Variants in FSTL5 observed in about 807,000 individuals in gnomAD.
The protein encoded by FSTL5 is follistatin-related protein 5.
In FSTL5, 62 loss-of-function variants were observed where a neutral mutation model predicts 89.1. The ratio of observed to expected loss-of-function variants is 0.70; its 90% CI spans 0.57 to 0.86. The LOEUF is 0.86. Ranked by LOEUF, FSTL5 falls within the 40% of genes least tolerant of loss-of-function variation. FSTL5 has a pLI of 0.00. For missense variants in FSTL5, 1,057 were observed against 1,001.6 expected (o/e 1.06, Z -0.75); for synonymous variants, 383 against 346.2 (o/e 1.11, Z -1.18).
chr4:162,084,343 A>G (rs538103398), intron 2 of FSTL5, among the ~76,000 whole-genome samples: 1 of 152,120 alleles, frequency 6.6e-6, no homozygotes, highest in Admixed American at 6.6e-5. Flanking sequence ...AAAAGGTTGA[A>G]AAAAATCACA....
chr4:161,978,621 C>T (rs462596), intron 3 of FSTL5, among the ~76,000 whole-genome samples: 38,103 of 151,902 alleles, frequency 0.25, 5,704 homozygotes, highest in African/African-American at 0.42. Flanking sequence ...ACATACAGTA[C>T]TATTATAACA....
At chr4:161,588,192 C>T (rs1733684462) in intron 7 of FSTL5, among the ~76,000 whole-genome samples, 1 of 151,880 alleles carries the variant, frequency 6.6e-6, no homozygotes, top group Non-Finnish European at 1.5e-5. Context: ...TAAATAATTA[C>T]AAATTAAAAA....
At chr4:161,722,507 A>G (rs1377802674) in intron 6 of FSTL5, among the ~76,000 whole-genome samples, 1 of 152,018 alleles carries the variant, frequency 6.6e-6, no homozygotes, top group Middle Eastern at 3.2e-3. Context: ...ATCTTCTTTC[A>G]GTTCACTTAT....
intron 4 of FSTL5, among the ~76,000 whole-genome samples, chr4:161,825,866 T>G (rs1051833352): frequency 5.3e-5 from 8 of 152,228 alleles, no homozygotes; most frequent in Middle Eastern, 3.4e-3. Flanking sequence ...CTTTTGTATT[T>G]TTTTATTTCA....
At chr4:161,834,382 A>T (rs1220211647) in intron 4 of FSTL5, among the ~76,000 whole-genome samples, 1 of 152,160 alleles carries the variant, frequency 6.6e-6, no homozygotes, top group African/African-American at 2.4e-5. Flanking sequence ...TTCCCTTTGA[A>T]AACTGGCACA....
At chr4:161,922,133 TAGC>T (rs1312596789) in intron 3 of FSTL5, among the ~76,000 whole-genome samples, 7 of 152,032 alleles carry the variant, frequency 4.6e-5, no homozygotes, top group Non-Finnish European at 1.0e-4. Flanking sequence ...ATATTTCTGA[TAGC>T]AGTGAAAATT....
intron 4 of FSTL5, among the ~76,000 whole-genome samples, chr4:161,791,992 C>T (rs1729492533): frequency 1.3e-5 from 2 of 152,260 alleles, no homozygotes; most frequent in Admixed American, 1.3e-4. Flanking sequence ...GTTGGATGCC[C>T]CGCACTGCCA....
chr4:161,571,228 A>G (rs1387621170), intron 8 of FSTL5, among the ~76,000 whole-genome samples: 2 of 152,166 alleles, frequency 1.3e-5, no homozygotes, highest in Non-Finnish European at 2.9e-5. Context: ...AATGGGAGAA[A>G]AGCCCCTAGG....
At chr4:161,467,746 C>T (rs1428932073) in intron 13 of FSTL5, among the ~76,000 whole-genome samples, 1 of 152,046 alleles carries the variant, frequency 6.6e-6, no homozygotes, top group African/African-American at 2.4e-5. Flanking sequence ...TGTTATTTCA[C>T]CCAGCAGGTA....
At chr4:162,151,330 T>C (rs1323443424) in intron 1 of FSTL5, among the ~76,000 whole-genome samples, 1 of 151,942 alleles carries the variant, frequency 6.6e-6, no homozygotes, top group Non-Finnish European at 1.5e-5. Context: ...GGTATATAAA[T>C]ATGAGACACG....
At chr4:161,621,440 T>C (rs1183448554) in intron 7 of FSTL5, among the ~76,000 whole-genome samples, 1 of 152,010 alleles carries the variant, frequency 6.6e-6, no homozygotes, top group African/African-American at 2.4e-5. Flanking sequence ...ATTTAAAAGG[T>C]TGCAGGAAAG....
intron 3 of FSTL5, among the ~76,000 whole-genome samples, chr4:161,980,167 GAAAA>G (rs1735779313): frequency 8.1e-6 from 1 of 123,988 alleles, no homozygotes; most frequent in Non-Finnish European, 1.7e-5. Context: ...AAGAAAGAAA[GAAAA>G]AGAAAGAGAG....
chr4:161,600,426 G>A (rs1270558023), intron 7 of FSTL5, among the ~76,000 whole-genome samples: 1 of 150,548 alleles, frequency 6.6e-6, no homozygotes, highest in African/African-American at 2.4e-5. Context: ...TGGTTGCAAA[G>A]TATAGATATA....
At chr4:161,623,484 A>T in intron 7 of FSTL5, among the ~76,000 whole-genome samples, 1 of 151,964 alleles carries the variant, frequency 6.6e-6, no homozygotes, top group African/African-American at 2.4e-5. Context: ...TGTTAATATT[A>T]TTTACAATTT....
At chr4:161,960,374 C>T (rs1735144219) in intron 3 of FSTL5, among the ~76,000 whole-genome samples, 2 of 151,842 alleles carry the variant, frequency 1.3e-5, no homozygotes, top group East Asian at 3.9e-4. Context: ...TGAGGCTTCA[C>T]CATGTTGGTC....
intron 4 of FSTL5, among the ~76,000 whole-genome samples, chr4:161,851,281 A>T (rs2126880919): frequency 6.6e-6 from 1 of 152,340 alleles, no homozygotes; most frequent in African/African-American, 2.4e-5. Context: ...ATATAAAGAT[A>T]GAAGCTACTG....
chr4:161,967,600 C>T (rs1184577332), intron 3 of FSTL5, among the ~76,000 whole-genome samples: 1 of 151,730 alleles, frequency 6.6e-6, no homozygotes, highest in Non-Finnish European at 1.5e-5. Flanking sequence ...GTAAAGATAA[C>T]CTAAAACCTA....
At chr4:162,088,775 A>G (rs184679404) in intron 2 of FSTL5, among the ~76,000 whole-genome samples, 11 of 152,278 alleles carry the variant, frequency 7.2e-5, no homozygotes, top group Admixed American at 2.6e-4. Flanking sequence ...CTCCAGAACT[A>G]TAAATGAGTA....
At chr4:161,767,409 G>A (rs1270188576) in intron 5 of FSTL5, among the ~76,000 whole-genome samples, 1 of 152,130 alleles carries the variant, frequency 6.6e-6, no homozygotes, top group Non-Finnish European at 1.5e-5. Flanking sequence ...CACGTTTGTC[G>A]AGGCTTTTCA....
Sources: allele counts gnomAD v4.1 joint callset (sites outside exome capture counted in the v4.1 genomes callset), GRCh38; gene constraint gnomAD v4.1.1; transcripts MANE v1.5; gene names NCBI Gene and HGNC (gene_info 2026-07-23, HGNC 2026-07-21).